TLL1: variants seen among roughly 807,000 people sequenced by gnomAD.
The protein encoded by TLL1 is tolloid like 1.
TLL1 carries 49 observed loss-of-function variants against 128.2 expected under a neutral mutation model. That is an observed-to-expected ratio of 0.38 (90% CI 0.30 to 0.48). The LOEUF (loss-of-function observed/expected upper bound fraction) is 0.48, where lower values mean the gene tolerates loss of function less well. Among genes scored for constraint, TLL1 ranks in the 20% least tolerant of loss-of-function variants. TLL1 has a pLI of 0.96. For synonymous variants in TLL1, 454 were observed against 418.8 expected (o/e 1.08, Z -1.03); for missense variants, 1,123 against 1,242.0 (o/e 0.90, Z 1.44).
chr4:166,036,360 C>T (rs929879789), intron 9 of TLL1, among the ~76,000 whole-genome samples: 1 of 152,074 alleles, frequency 6.6e-6, no homozygotes, highest in Non-Finnish European at 1.5e-5. Context: ...AAAATTGTTC[C>T]CTCAATCTCA....
At chr4:166,012,142 A>G (rs1233302821) in intron 7 of TLL1, among the ~76,000 whole-genome samples, 1 of 151,578 alleles carries the variant, frequency 6.6e-6, no homozygotes, top group South Asian at 2.1e-4. Flanking sequence ...AAATTTTACA[A>G]ATTTTTGTTA....
chr4:166,078,085 T>A, intron 18 of TLL1, 55 bp downstream of exon 18: 1 of 1,608,208 alleles, frequency 6.2e-7, no homozygotes. Flanking sequence ...TGTCTTTCAC[T>A]ACAAGCACTT....
intron 14 of TLL1, 100 bp downstream of exon 14, chr4:166,057,409 T>C: frequency 6.6e-7 from 1 of 1,509,530 alleles, no homozygotes; most frequent in South Asian, 1.2e-5. Flanking sequence ...CTTTTTCCTA[T>C]AGTGACCTCT....
At chr4:166,005,942 C>T (rs1388614397) in intron 6 of TLL1, among the ~76,000 whole-genome samples, 1 of 151,790 alleles carries the variant, frequency 6.6e-6, no homozygotes, top group East Asian at 1.9e-4. Context: ...TTTGACTAAA[C>T]ATTATGGCCA....
chr4:166,006,624 G>A (rs1737442554), intron 6 of TLL1, among the ~76,000 whole-genome samples: 2 of 151,634 alleles, frequency 1.3e-5, no homozygotes, highest in African/African-American at 4.8e-5. Flanking sequence ...TTTAACAGTT[G>A]CCTCTATCAT....
At position 165,917,622 on chromosome 4, in the gene TLL1, G is replaced by T. The variant is rs182322183; in HGVS notation, c.169+43549G>T. Among the ~76,000 whole-genome samples, 154 of 151,892 alleles carry T rather than the reference G, an allele frequency of 1.0e-3. 3 individuals are homozygous for T. The highest frequency in any genetic ancestry group is 5.6e-4 in the African/African-American group (23 of 41,362). On this transcript the variant is annotated intron_variant, in intron 1 of 20. Coordinates refer to ENST00000061240, the MANE Select transcript of TLL1 (RefSeq NM_012464.5). ...ATTGTTGATATTCATCTCTACATGGGATTGTGCTTCTGCATATTTACAGGA... is the reference window on the plus strand; with the variant it reads ...ATTGTTGATATTCATCTCTACATGGTATTGTGCTTCTGCATATTTACAGGA...
At chr4:166,080,380 T>G (rs190612064) in intron 18 of TLL1, among the ~76,000 whole-genome samples, 23 of 152,266 alleles carry the variant, frequency 1.5e-4, no homozygotes, top group Middle Eastern at 3.4e-3. Context: ...AAAACAAAAT[T>G]CAATCCATAA....
chr4:166,097,798 G>T (rs1241595010), intron 19 of TLL1, among the ~76,000 whole-genome samples: 1 of 152,042 alleles, frequency 6.6e-6, no homozygotes, highest in Non-Finnish European at 1.5e-5. Context: ...CAGTGGTTTT[G>T]CTTCTCCAGA....
Position 166,104,415 on chromosome 4 carries a change from A to G in TLL1, c.*3539A>G, listed in dbSNP as rs1034212262. ...TTTGATACCACTTGTTAAATCAGGCATGGGAGGAGGAGAGCAGAAAATATA... is the reference window on the plus strand; with the variant it reads ...TTTGATACCACTTGTTAAATCAGGCGTGGGAGGAGGAGAGCAGAAAATATA... On this transcript the variant is annotated 3_prime_UTR_variant, in exon 21 of 21. Transcript: ENST00000061240. Among the ~76,000 whole-genome samples the G allele has an allele frequency of 6.6e-6, 1 of 151,900 alleles. No individual in the cohort carries two copies. The highest frequency in any genetic ancestry group is 2.1e-4 in the South Asian group (1 of 4,830).
In TLL1 at chr4:166,103,783, C is replaced by T. The variant is rs908138538; in HGVS notation, c.*2907C>T. 1.3e-5 allele frequency: 2 copies of T among 150,244 alleles called. No individual in the cohort carries two copies. The highest frequency in any genetic ancestry group is 4.9e-5 in the African/African-American group (2 of 40,884). 9.3% of individuals were successfully genotyped at this position (150,244 alleles called of 1,614,324 possible). ...TTAATTTTTTAAATTATTTTCCACC[C>T]TACATCAGTATATTGGTTGTGCTTT... On this transcript the variant is annotated 3_prime_UTR_variant, in exon 21 of 21. Coordinates refer to ENST00000061240, the MANE Select transcript of TLL1 (RefSeq NM_012464.5).
intron 9 of TLL1, among the ~76,000 whole-genome samples, chr4:166,029,463 A>G (rs1015851594): frequency 2.6e-5 from 4 of 152,000 alleles, no homozygotes; most frequent in African/African-American, 7.2e-5. Flanking sequence ...AAATGCTACC[A>G]TGGATTTTTG....
intron 1 of TLL1, among the ~76,000 whole-genome samples, chr4:165,909,396 A>G (rs187443604): frequency 1.3e-5 from 2 of 152,326 alleles, no homozygotes; most frequent in Admixed American, 6.5e-5. Context: ...GAGGAGAGTC[A>G]TGAATTTAGA....
chr4:166,013,434 T>C (rs1359010140), intron 7 of TLL1, among the ~76,000 whole-genome samples: 1 of 151,892 alleles, frequency 6.6e-6, no homozygotes, highest in Non-Finnish European at 1.5e-5. Flanking sequence ...TTAGTTTAAA[T>C]GCATTAAATT....
intron 7 of TLL1, among the ~76,000 whole-genome samples, chr4:166,012,753 A>G (rs938787241): frequency 2.6e-5 from 4 of 151,708 alleles, no homozygotes; most frequent in East Asian, 1.9e-4. Context: ...TTGATGGTCA[A>G]TTCCCGTAAA....
At chr4:166,057,733 G>T (rs1020097775) in intron 14 of TLL1, among the ~76,000 whole-genome samples, 2 of 152,162 alleles carry the variant, frequency 1.3e-5, no homozygotes, top group African/African-American at 2.4e-5. Context: ...GTCGTATATG[G>T]CAGCGAGCCA....
At chr4:166,082,955 G>A (rs930717004) in intron 18 of TLL1, among the ~76,000 whole-genome samples, 20 of 152,140 alleles carry the variant, frequency 1.3e-4, no homozygotes, top group Admixed American at 3.9e-4. Context: ...GGGATTACAG[G>A]AGTGAGCCAC....
chr4:166,075,021 CT>C lies in TLL1; in HGVS notation c.2314+25del, dbSNP rs745458224. The C allele has an allele frequency of 9.4e-5, 151 of 1,612,092 alleles. No homozygotes were observed. The highest frequency in any genetic ancestry group is 1.2e-4 in the Non-Finnish European group (140 of 1,178,726). ...CAAGGAAGGTATGGAACGGAATACA[CT>C]TTTTTTGACAACATGTAGAATTTCA... On this transcript the variant is annotated intron_variant, in intron 17 of 20. Transcript: ENST00000061240.
At chr4:166,015,940 T>C (rs1579626850) in intron 8 of TLL1, among the ~76,000 whole-genome samples, 2 of 151,994 alleles carry the variant, frequency 1.3e-5, no homozygotes, top group South Asian at 2.1e-4. Context: ...GTTGATATTT[T>C]TGGAATTTAA....
intron 1 of TLL1, among the ~76,000 whole-genome samples, chr4:165,934,173 CT>C (rs779010027): frequency 0.013 from 1,390 of 108,298 alleles, 27 homozygotes; most frequent in African/African-American, 0.043. Flanking sequence ...TAATTTTTTG[CT>C]TTTTTTTTTT....
Sources: allele counts gnomAD v4.1 joint callset (sites outside exome capture counted in the v4.1 genomes callset), GRCh38; gene constraint gnomAD v4.1.1; transcripts MANE v1.5; gene names NCBI Gene and HGNC (gene_info 2026-07-23, HGNC 2026-07-21).